Variants in ACAD11 observed in about 807,000 individuals in gnomAD.
ACAD11 encodes acyl-CoA dehydrogenase family member 11, also known as acyl-Coenzyme A dehydrogenase family, member 11.
A neutral mutation model predicts 102.2 loss-of-function variants in ACAD11; 83 were observed. That is an observed-to-expected ratio of 0.81 (90% CI 0.68 to 0.97). The LOEUF is 0.97. Ranked by LOEUF, ACAD11 falls within the 50% of genes least tolerant of loss-of-function variation. The probability of loss-of-function intolerance (pLI) is 0.00; values close to 1 mark genes in which losing one functional copy is unlikely to be tolerated. For synonymous variants in ACAD11, 324 were observed against 319.8 expected, an observed-to-expected ratio of 1.01 and a Z score of -0.14; for missense variants, 901 against 951.7, an observed-to-expected ratio of 0.95 and a Z score of 0.70.
At chr3:132,641,560 T>TGATGAAGAAGAAGAA (rs751180735) in intron 4 of ACAD11, among the ~76,000 whole-genome samples, 4 of 99,518 alleles carry the variant, frequency 4.0e-5, no homozygotes, top group African/African-American at 2.0e-4. Flanking sequence ...ATGATGATGA[T>TGATGAAGAAGAAGAA]GAAGAAGAAG....
intron 1 of ACAD11, among the ~76,000 whole-genome samples, chr3:132,656,128 GT>G (rs1937784360): frequency 6.6e-6 from 1 of 151,930 alleles, no homozygotes; most frequent in Admixed American, 6.6e-5. Context: ...ATTTCTTCAC[GT>G]TTTTCATTCT....
At chr3:132,561,244 G>C in intron 17 of ACAD11, 27 bp from the exon 18 acceptor site, 2 of 1,569,916 alleles carry the variant, frequency 1.3e-6, no homozygotes. Context: ...GGCAGCAAAA[G>C]AAGGAGGAGC....
In ACAD11 at chr3:132,641,698, G is replaced by A. The variant is rs113024362; in HGVS notation, c.537+274C>T. 1.7e-3 allele frequency among the ~76,000 whole-genome samples: 193 copies of A among 116,644 alleles called. 1 individual carries two copies. The highest frequency in any genetic ancestry group is 2.6e-3 in the African/African-American group (63 of 24,044). 76.5% of individuals were successfully genotyped at this position (116,644 alleles called of 152,430 possible). A position where few individuals can be genotyped will look rare whatever the true frequency, so the allele number is the denominator to read the frequency against. ...AGGAAGAGGAAGAGGAAGAGGAAGA[G>A]GAAGAAGAAGAAGAAGAAGAAGAAG... is the stretch of plus-strand genomic sequence containing the variant. On this transcript the variant is annotated intron_variant, in intron 4 of 19. Coordinates refer to ENST00000264990, the MANE Select transcript of ACAD11 (RefSeq NM_032169.5).
intron 13 of ACAD11, among the ~76,000 whole-genome samples, chr3:132,587,054 C>T (rs1016244130): frequency 6.6e-5 from 10 of 152,168 alleles, no homozygotes; most frequent in South Asian, 4.1e-4. Flanking sequence ...GCTGAGATTG[C>T]GCCATTGCAC....
At position 132,628,456 on chromosome 3, in the gene ACAD11, A is replaced by C; in HGVS notation, c.964-10T>G. Reference sequence around the variant, plus strand: ...ATCTGCTATATACTCCCTATAAATAAACATAGAACAATTAAAATTCATTGA... The same window carrying C: ...ATCTGCTATATACTCCCTATAAATACACATAGAACAATTAAAATTCATTGA... On this transcript the variant is annotated splice_polypyrimidine_tract_variant and intron_variant, in intron 7 of 19. Transcript: ENST00000264990. 1 of 1,530,448 alleles carries C rather than the reference A, an allele frequency of 6.5e-7. No individual in the cohort carries two copies. 94.8% of individuals were successfully genotyped at this position (1,530,448 alleles called of 1,614,324 possible).
chr3:132,638,300 AT>A (rs1209037414), intron 5 of ACAD11, among the ~76,000 whole-genome samples: 1 of 152,126 alleles, frequency 6.6e-6, no homozygotes, highest in Non-Finnish European at 1.5e-5. Context: ...ATTTTGCAGA[AT>A]TTGGATGATG....
chr3:132,559,450 A>C (rs1459680169), intron 19 of ACAD11, among the ~76,000 whole-genome samples: 1 of 152,082 alleles, frequency 6.6e-6, no homozygotes, highest in Non-Finnish European at 1.5e-5. Flanking sequence ...TGTGATAGAG[A>C]AGGTGACACT....
At chr3:132,577,059 A>G (rs1937534597) in intron 15 of ACAD11, 44 bp from the exon 16 acceptor site, 1 of 1,152,850 alleles carries the variant, frequency 8.7e-7, no homozygotes, top group African/African-American at 1.6e-5. Context: ...GAGTTGACTA[A>G]AAAAGAGTCA....
intron 5 of ACAD11, among the ~76,000 whole-genome samples, chr3:132,631,876 T>C (rs1940053643): frequency 1.3e-5 from 2 of 152,232 alleles, no homozygotes; most frequent in African/African-American, 2.4e-5. Flanking sequence ...GTATAACAAA[T>C]GTACTACTCC....
intron 9 of ACAD11, among the ~76,000 whole-genome samples, chr3:132,620,563 C>G (rs553145034): frequency 3.9e-5 from 6 of 152,220 alleles, no homozygotes; most frequent in South Asian, 2.1e-4. Flanking sequence ...ATTGCACTTC[C>G]CAAAGACTAT....
At chr3:132,575,703 T>C in intron 17 of ACAD11, 69 bp downstream of exon 17, 1 of 1,573,004 alleles carries the variant, frequency 6.4e-7, no homozygotes, top group Non-Finnish European at 8.7e-7. Flanking sequence ...CTCTCACAAG[T>C]AATGTTTTTG....
rs146772604 is a variant in ACAD11, at chr3:132,584,585, A to G, written c.1622-5027T>C. Reference sequence around the variant, plus strand: ...TTTAAGGTTAATATTTTTATGTGTGAATTTGATCCTGTCATTATGATGTTA... The same window carrying G: ...TTTAAGGTTAATATTTTTATGTGTGGATTTGATCCTGTCATTATGATGTTA... On this transcript the variant is annotated intron_variant, in intron 13 of 19. Transcript: ENST00000264990. Among the ~76,000 whole-genome samples the G allele has an allele frequency of 6.3e-3, 952 of 152,252 alleles. 7 individuals are homozygous for G. Among genetic ancestry groups the G allele is most frequent in the African/African-American group, 0.022 (926 of 41,554 alleles).
In ACAD11 at chr3:132,618,733, G is replaced by A. The variant is rs145730355; in HGVS notation, c.1315C>T (p.Pro439Ser). Residue 439 changes from proline (P) to serine (S), a missense_variant, in exon 11 of 20, where the codon CCA (proline) becomes TCA (serine). Pro to Ser is a moderately conservative substitution (Grantham distance 74). Coordinates refer to ENST00000264990, the MANE Select transcript of ACAD11 (RefSeq NM_032169.5). Reference protein sequence around the residue: ...KVEGLWNLFLPAVSGLSHVDY... With the variant: ...KVEGLWNLFLSAVSGLSHVDY... ...ACGTGGCTGAGTCCGCTGACAGCTG[G>A]CAAAAACAAGTTCCAGAGACCCTCG... The A allele has an allele frequency of 6.3e-6, 10 of 1,597,350 alleles. No homozygotes were observed. In the Admixed American group the frequency reaches 1.1e-4, roughly 17 times the overall value.
intron 17 of ACAD11, among the ~76,000 whole-genome samples, chr3:132,568,547 A>T (rs1937277660): frequency 6.6e-6 from 1 of 152,228 alleles, no homozygotes; most frequent in African/African-American, 2.4e-5. Flanking sequence ...TAGCTGAAAC[A>T]CTTTTGAAAG....
At chr3:132,616,197 C>G (rs1490007492) in intron 11 of ACAD11, among the ~76,000 whole-genome samples, 4 of 152,250 alleles carry the variant, frequency 2.6e-5, no homozygotes, top group African/African-American at 7.2e-5. Flanking sequence ...AGTTGCTCAT[C>G]ATTTCTTAGA....
At chr3:132,648,939 C>G (rs1040186406) in intron 1 of ACAD11, among the ~76,000 whole-genome samples, 6 of 152,196 alleles carry the variant, frequency 3.9e-5, no homozygotes, top group African/African-American at 1.2e-4. Flanking sequence ...CTTGAGCTCA[C>G]AGAAACATGT....
chr3:132,565,161 G>C (rs1034396728), intron 17 of ACAD11, among the ~76,000 whole-genome samples: 1 of 152,178 alleles, frequency 6.6e-6, no homozygotes, highest in Non-Finnish European at 1.5e-5. Context: ...ACCAGCAAAG[G>C]CAGGATGGGG....
intron 11 of ACAD11, among the ~76,000 whole-genome samples, chr3:132,618,089 T>C (rs1304583679): frequency 6.6e-6 from 1 of 152,160 alleles, no homozygotes; most frequent in Non-Finnish European, 1.5e-5. Flanking sequence ...TTCAAACTTA[T>C]TACGTAAGTT....
Position 132,636,926 on chromosome 3 carries a change from A to C in ACAD11, c.702+2566T>G, listed in dbSNP as rs116745287. The stretch of plus-strand genomic sequence containing the variant: ...CCACATGCTGAGAGTGGGAACCGAG[A>C]TGGGACAAGAAATGTGAGAGTTTGA... On this transcript the variant is annotated intron_variant, in intron 5 of 19. Transcript: ENST00000264990. Among the ~76,000 whole-genome samples the C allele has an allele frequency of 9.7e-3, 1,475 of 152,296 alleles. 21 individuals are homozygous for C. The highest frequency in any genetic ancestry group is 0.034 in the African/African-American group (1,397 of 41,570).
Sources: allele counts gnomAD v4.1 joint callset (sites outside exome capture counted in the v4.1 genomes callset), GRCh38; gene constraint gnomAD v4.1.1; transcripts MANE v1.5; gene names NCBI Gene and HGNC (gene_info 2026-07-23, HGNC 2026-07-21).